Variants in ROPN1B observed in about 807,000 individuals in gnomAD.
ROPN1B encodes rhophilin associated tail protein 1B.
Under a neutral mutation model 23.7 loss-of-function variants are expected in ROPN1B, and 13 were observed. That is an observed-to-expected ratio of 0.55 (90% CI 0.36 to 0.87). ROPN1B has a LOEUF of 0.87. Among genes scored for constraint, ROPN1B ranks in the 40% least tolerant of loss-of-function variants. The probability of loss-of-function intolerance (pLI) is 0.01; values close to 1 mark genes in which losing one functional copy is unlikely to be tolerated. For synonymous variants in ROPN1B, 67 were observed against 100.4 expected (o/e 0.67, Z 1.99); for missense variants, 183 against 249.2 (o/e 0.73, Z 1.79).
At chr3:125,983,039 A>G (rs1371372765) in intron 6 of ROPN1B, among the ~76,000 whole-genome samples, 9 of 152,014 alleles carry the variant, frequency 5.9e-5, no homozygotes, top group Non-Finnish European at 1.3e-4. Flanking sequence ...TAATTGGGAG[A>G]ATGGCTTGAG....
intron 3 of ROPN1B, among the ~76,000 whole-genome samples, chr3:125,974,821 G>T (rs557659961): frequency 3.5e-4 from 53 of 152,300 alleles, no homozygotes; most frequent in Non-Finnish European, 4.7e-4. Flanking sequence ...TATAGCTTAA[G>T]GTTGTCTCAA....
intron 6 of ROPN1B, among the ~76,000 whole-genome samples, chr3:125,982,951 C>T (rs1938659344): frequency 6.6e-6 from 1 of 152,066 alleles, no homozygotes; most frequent in African/African-American, 2.4e-5. Flanking sequence ...CAAGACCAGC[C>T]TGGGCAATAT....
chr3:125,983,335 C>T lies in ROPN1B; in HGVS notation c.*15C>T, dbSNP rs764280422. On this transcript the variant is annotated 3_prime_UTR_variant, in exon 7 of 7. Coordinates refer to ENST00000514116, the MANE Select transcript of ROPN1B (RefSeq NM_001308313.2). The stretch of plus-strand genomic sequence containing the variant: ...GGCTGGAGTAACAGCACAATTTTGG[C>T]AATTTTAAAGGAAGATACAGAGGTG... 2 of 1,598,874 alleles carry T rather than the reference C, an allele frequency of 1.3e-6. No individual in the cohort carries two copies. The highest frequency in any genetic ancestry group is 1.7e-6 in the Non-Finnish European group (2 of 1,166,404).
At chr3:125,970,194 G>C (rs1282726617) in intron 1 of ROPN1B, 5 of 151,544 alleles carry the variant, frequency 3.3e-5, no homozygotes, top group Non-Finnish European at 5.9e-5. Flanking sequence ...GAACTGACAG[G>C]GTAATCAGGG....
chr3:125,975,538 T>C (rs1447972650), intron 3 of ROPN1B, 25 bp from the exon 4 acceptor site: 12 of 1,595,226 alleles, frequency 7.5e-6, no homozygotes, highest in Non-Finnish European at 1.0e-5. Context: ...AGGATCCTCC[T>C]ACTCTCTGAC....
chr3:125,969,841 T>A (rs1440378247), intron 1 of ROPN1B, among the ~76,000 whole-genome samples: 1 of 152,200 alleles, frequency 6.6e-6, no homozygotes, highest in African/African-American at 2.4e-5. Context: ...CATAGACTCC[T>A]GTCAGGCATT....
intron 5 of ROPN1B, among the ~76,000 whole-genome samples, chr3:125,981,168 C>A (rs1938600221): frequency 2.6e-5 from 4 of 152,062 alleles, no homozygotes; most frequent in Non-Finnish European, 1.5e-5. Flanking sequence ...AAATTACTTG[C>A]CATCAAGTAA....
At chr3:125,979,170 C>A (rs1376594405) in intron 5 of ROPN1B, among the ~76,000 whole-genome samples, 4 of 152,180 alleles carry the variant, frequency 2.6e-5, no homozygotes, top group African/African-American at 9.7e-5. Context: ...CTTTGCTCCT[C>A]ATCATCCCCA....
chr3:125,976,501 G>A (rs1323254689), intron 4 of ROPN1B, among the ~76,000 whole-genome samples: 1 of 152,158 alleles, frequency 6.6e-6, no homozygotes, highest in East Asian at 1.9e-4. Context: ...AAATCCCCGT[G>A]GGTCAGCCAC....
Position 125,969,410 on chromosome 3 carries a change from C to A in ROPN1B, c.-59+10C>A, listed in dbSNP as rs1938110612. 1.4e-5 allele frequency: 1 copy of A among 73,544 alleles called. No homozygotes were observed. Among genetic ancestry groups the A allele is most frequent in the East Asian group, 2.8e-4 (1 of 3,540 alleles). 4.6% of individuals were successfully genotyped at this position (73,544 alleles called of 1,614,324 possible). On this transcript the variant is annotated intron_variant, in intron 1 of 6. Transcript: ENST00000514116. Reference sequence around the variant, plus strand: ...TGGGAGCGAGCCTGAGGTAGCCACCCCGAGGGGAAGTGGAGGGAGGGCAGG... The same window carrying A: ...TGGGAGCGAGCCTGAGGTAGCCACCACGAGGGGAAGTGGAGGGAGGGCAGG...
intron 3 of ROPN1B, among the ~76,000 whole-genome samples, chr3:125,974,778 A>G (rs1033957411): frequency 3.3e-5 from 5 of 152,240 alleles, no homozygotes; most frequent in African/African-American, 1.2e-4. Flanking sequence ...TTTTGAGGGA[A>G]GATGGAGAAA....
intron 2 of ROPN1B, among the ~76,000 whole-genome samples, chr3:125,971,532 C>T (rs1938204852): frequency 6.6e-6 from 1 of 152,134 alleles, no homozygotes; most frequent in African/African-American, 2.4e-5. Context: ...CAGAGACGCT[C>T]ATCAAATGGC....
At chr3:125,978,221 T>C (rs1938491484) in intron 5 of ROPN1B, among the ~76,000 whole-genome samples, 1 of 152,154 alleles carries the variant, frequency 6.6e-6, no homozygotes. Context: ...CAGAGGCCTA[T>C]GAGTTGTCAA....
chr3:125,972,023 A>AT lies in ROPN1B; in HGVS notation c.-12-14dup, dbSNP rs1402567704. On this transcript the variant is annotated intron_variant, in intron 2 of 6. Transcript: ENST00000514116. ...ATGAGTCCAAGTTTTCATCTTATGT[A>AT]TTTTTTCTCCTGAGAATAGGTCAAC... is the stretch of plus-strand genomic sequence containing the variant. The AT allele has an allele frequency of 3.1e-6, 5 of 1,606,314 alleles. No homozygotes were observed. The highest frequency in any genetic ancestry group is 1.3e-5 in the African/African-American group (1 of 74,650).
At chr3:125,975,856 A>C (rs983182081) in intron 4 of ROPN1B, among the ~76,000 whole-genome samples, 176 bp downstream of exon 4, 1 of 152,192 alleles carries the variant, frequency 6.6e-6, no homozygotes, top group African/African-American at 2.4e-5. Context: ...AATAATTTTG[A>C]AATAGGCTGC....
chr3:125,976,922 G>A, intron 4 of ROPN1B, 82 bp from the exon 5 acceptor site: 1 of 700,758 alleles, frequency 1.4e-6, no homozygotes, highest in Non-Finnish European at 2.7e-6. Flanking sequence ...ATGTGGACCT[G>A]GCCTGGGGAC....
intron 3 of ROPN1B, chr3:125,973,617 G>A (rs1938295356): frequency 6.4e-6 from 1 of 156,006 alleles, no homozygotes; most frequent in Non-Finnish European, 1.4e-5. Context: ...ATTTATGGAA[G>A]AGGCATTCCA....
At chr3:125,970,234 C>T (rs1938147789) in intron 1 of ROPN1B, 1 of 152,058 alleles carries the variant, frequency 6.6e-6, no homozygotes, top group African/African-American at 2.4e-5. Context: ...AAGGAAGAAT[C>T]AACCTGTTAA....
chr3:125,972,161 G>A lies in ROPN1B; in HGVS notation c.107G>A (p.Trp36Ter), dbSNP rs144905673. Residue 36 changes from tryptophan (W) to a stop codon, truncating the protein, a stop_gained, in exon 3 of 7, where the codon TGG becomes TAG. Coordinates refer to ENST00000514116, the MANE Select transcript of ROPN1B (RefSeq NM_001308313.2). LOFTEE classifies it high-confidence loss of function. ...GCGCAGCCGCAGGACCTCATCCAGTGGGGGGCCGAGTACGTGCTCCTTTCT... is the reference window on the plus strand; with the variant it reads ...GCGCAGCCGCAGGACCTCATCCAGTAGGGGGCCGAGTACGTGCTCCTTTCT... ...IRAQPQDLIQ[W>*]GADYFEALSR... The A allele has an allele frequency of 7.5e-5, 121 of 1,614,006 alleles. No individual in the cohort carries two copies. The highest frequency in any genetic ancestry group is 2.2e-5 in the Non-Finnish European group (26 of 1,179,972).
Sources: allele counts gnomAD v4.1 joint callset (sites outside exome capture counted in the v4.1 genomes callset), GRCh38; gene constraint gnomAD v4.1.1; transcripts MANE v1.5; gene names NCBI Gene and HGNC (gene_info 2026-07-23, HGNC 2026-07-21).